Variants in ENOX1 observed in about 807,000 individuals in gnomAD.
The protein encoded by ENOX1 is candidate growth-related and time keeping constitutive hydroquinone (NADH) oxidase.
Under a neutral mutation model 82.5 loss-of-function variants are expected in ENOX1, and 42 were observed. The observed-to-expected ratio is 0.51, with a 90% CI of 0.40 to 0.66. The LOEUF (loss-of-function observed/expected upper bound fraction) is 0.66. ENOX1 is among the 30% of genes least tolerant of loss of function. The pLI, the probability that ENOX1 is intolerant of heterozygous loss-of-function variation, is 0.00. For synonymous variants in ENOX1, 271 were observed against 282.2 expected (o/e 0.96, Z 0.40); for missense variants, 608 against 811.6 (o/e 0.75, Z 3.05).
At chr13:43,669,912 A>G (rs2085173710) in intron 1 of ENOX1, among the ~76,000 whole-genome samples, 1 of 152,184 alleles carries the variant, frequency 6.6e-6, no homozygotes, top group South Asian at 2.1e-4. Context: ...GAAAGGGGAT[A>G]AAGATGTAAA....
chr13:43,774,851 TTTTTTC>T (rs1425407044), intron 1 of ENOX1, among the ~76,000 whole-genome samples: 2 of 152,106 alleles, frequency 1.3e-5, no homozygotes, highest in Admixed American at 1.3e-4. Flanking sequence ...CTTTCTTTTC[TTTTTTC>T]TTTTTTTTTG....
intron 2 of ENOX1, among the ~76,000 whole-genome samples, chr13:43,597,127 A>G (rs34356611): frequency 0.072 from 10,934 of 152,186 alleles, 543 homozygotes; most frequent in East Asian, 0.26. Flanking sequence ...GTGGGGGAAG[A>G]GCTATACACT....
intron 2 of ENOX1, among the ~76,000 whole-genome samples, chr13:43,486,601 A>T (rs1266638295): frequency 1.3e-5 from 2 of 152,212 alleles, no homozygotes; most frequent in African/African-American, 4.8e-5. Flanking sequence ...CAAGCATCTT[A>T]ACTGTCTTGT....
At chr13:43,418,809 A>G (rs896354347) in intron 3 of ENOX1, among the ~76,000 whole-genome samples, 3 of 152,240 alleles carry the variant, frequency 2.0e-5, no homozygotes, top group African/African-American at 7.2e-5. Flanking sequence ...ATCTCATACC[A>G]ATTTCATAAC....
intron 9 of ENOX1, among the ~76,000 whole-genome samples, chr13:43,342,025 G>A (rs1308768984): frequency 2.0e-5 from 3 of 152,186 alleles, no homozygotes; most frequent in Non-Finnish European, 4.4e-5. Flanking sequence ...AGGCGAAGCA[G>A]CAGCAACCAT....
intron 9 of ENOX1, among the ~76,000 whole-genome samples, chr13:43,327,741 C>T (rs1244913104): frequency 6.6e-6 from 1 of 152,110 alleles, no homozygotes; most frequent in Non-Finnish European, 1.5e-5. Flanking sequence ...ATAGAGTAAT[C>T]CCCACAGAAG....
chr13:43,359,768 T>A (rs2050377505), intron 7 of ENOX1, 83 bp downstream of exon 7: 1 of 1,322,434 alleles, frequency 7.6e-7, no homozygotes, highest in Non-Finnish European at 1.1e-6. Flanking sequence ...TTATTTTGCA[T>A]GAAGGCCAAA....
chr13:43,683,272 C>T (rs1300823387), intron 1 of ENOX1, among the ~76,000 whole-genome samples: 1 of 152,110 alleles, frequency 6.6e-6, no homozygotes, highest in Admixed American at 6.6e-5. Context: ...CCTCAATTGC[C>T]TTTCGATATC....
intron 1 of ENOX1, among the ~76,000 whole-genome samples, chr13:43,707,749 AAAAAAAAC>A (rs1289130273): frequency 2.7e-5 from 4 of 148,960 alleles, no homozygotes; most frequent in African/African-American, 7.5e-5. Flanking sequence ...AAAAAAAAAA[AAAAAAAAC>A]CAAGAACAAA....
intron 2 of ENOX1, among the ~76,000 whole-genome samples, chr13:43,566,658 TA>T (rs2079933639): frequency 6.6e-6 from 1 of 151,898 alleles, no homozygotes; most frequent in African/African-American, 2.4e-5. Flanking sequence ...GAGCAAAGAC[TA>T]AAAGCTAAGA....
chr13:43,570,180 AT>A (rs1354291018), intron 2 of ENOX1, among the ~76,000 whole-genome samples: 8 of 152,336 alleles, frequency 5.3e-5, no homozygotes, highest in African/African-American at 1.9e-4. Flanking sequence ...GTGAGATGCC[AT>A]TTGTTTCATT....
At position 43,314,697 on chromosome 13, in the gene ENOX1, C is replaced by T. The variant is rs1453557456; in HGVS notation, c.1261+7687G>A. On this transcript the variant is annotated intron_variant, in intron 11 of 16. Coordinates refer to ENST00000690772, the MANE Select transcript of ENOX1 (RefSeq NM_001347969.2). ...TCCTACTTTAACAATGTTACAGTCACACTTCAAGATTTCAGATGGAGAGGT... is the reference window on the plus strand; with the variant it reads ...TCCTACTTTAACAATGTTACAGTCATACTTCAAGATTTCAGATGGAGAGGT... Among the ~76,000 whole-genome samples, 3 of 152,204 alleles carry T rather than the reference C, an allele frequency of 2.0e-5. No individual in the cohort carries two copies. In the East Asian group the frequency reaches 5.8e-4, roughly 29 times the overall value.
At chr13:43,240,174 G>A (rs979980925) in intron 14 of ENOX1, among the ~76,000 whole-genome samples, 19 of 152,270 alleles carry the variant, frequency 1.2e-4, no homozygotes, top group African/African-American at 4.3e-4. Context: ...AGCTAAGCCT[G>A]TTTTTACTTT....
At chr13:43,370,711 G>C (rs1482138675) in intron 5 of ENOX1, among the ~76,000 whole-genome samples, 1 of 152,120 alleles carries the variant, frequency 6.6e-6, no homozygotes, top group Non-Finnish European at 1.5e-5. Context: ...CTCAGTCCTG[G>C]TTTAAAACCT....
intron 5 of ENOX1, 74 bp from the exon 6 acceptor site, chr13:43,361,526 T>C (rs2153560398): frequency 7.2e-7 from 1 of 1,390,090 alleles, no homozygotes. Flanking sequence ...CATTTTCCTG[T>C]GGATTATTTG....
chr13:43,249,374 G>A (rs550195843), intron 14 of ENOX1, among the ~76,000 whole-genome samples: 6 of 152,208 alleles, frequency 3.9e-5, no homozygotes, highest in African/African-American at 1.4e-4. Flanking sequence ...TTCACAGTCT[G>A]AAAAAGTACT....
At chr13:43,665,832 T>A (rs1439821185) in intron 2 of ENOX1, among the ~76,000 whole-genome samples, 5 of 151,302 alleles carry the variant, frequency 3.3e-5, no homozygotes, top group Non-Finnish European at 7.4e-5. Context: ...CTCTGGTCAC[T>A]GCACTTTGCT....
At chr13:43,733,003 G>T (rs1223857651) in intron 1 of ENOX1, among the ~76,000 whole-genome samples, 8 of 152,012 alleles carry the variant, frequency 5.3e-5, no homozygotes, top group Non-Finnish European at 1.2e-4. Context: ...ACACCTAACT[G>T]GCTGGGTCAG....
intron 2 of ENOX1, among the ~76,000 whole-genome samples, chr13:43,552,448 C>T (rs2079241967): frequency 6.6e-6 from 1 of 151,666 alleles, no homozygotes; most frequent in Non-Finnish European, 1.5e-5. Flanking sequence ...CTTCTTCTTT[C>T]TCATTTACAC....
Sources: gnomAD v4.1 joint callset for allele counts (sites outside exome capture counted in the v4.1 genomes callset) on GRCh38, gnomAD v4.1.1 for gene constraint, MANE v1.5 for transcripts, NCBI Gene and HGNC (gene_info 2026-07-23, HGNC 2026-07-21) for gene names.